Variants in SDK1 observed in about 807,000 individuals in gnomAD.
The protein encoded by SDK1 is protein sidekick-1.
Under a neutral mutation model 245.5 loss-of-function variants are expected in SDK1, and 157 were observed. That is an observed-to-expected ratio of 0.64 (90% confidence interval 0.56 to 0.73). The LOEUF is 0.73. Among genes scored for constraint, SDK1 ranks in the 30% least tolerant of loss-of-function variants. The pLI, the probability that SDK1 is intolerant of heterozygous loss-of-function variation, is 0.00. For synonymous variants in SDK1, 1,647 were observed against 1,278.5 expected (o/e 1.29, Z -6.15); for missense variants, 3,583 against 3,002.3 (o/e 1.19, Z -4.52).
chr7:3,666,136 T>C (rs1783525494), intron 4 of SDK1, among the ~76,000 whole-genome samples: 1 of 152,238 alleles, frequency 6.6e-6, no homozygotes, highest in Non-Finnish European at 1.5e-5. Flanking sequence ...CAGATGTTTC[T>C]GAAGGTGGCA....
At chr7:3,809,637 C>T (rs1228835784) in intron 4 of SDK1, among the ~76,000 whole-genome samples, 3 of 152,214 alleles carry the variant, frequency 2.0e-5, no homozygotes, top group Admixed American at 6.5e-5. Context: ...TCACTCTGCT[C>T]ATAATTTTCT....
chr7:3,760,357 A>C (rs1443815847), intron 4 of SDK1, among the ~76,000 whole-genome samples: 1 of 151,950 alleles, frequency 6.6e-6, no homozygotes, highest in Non-Finnish European at 1.5e-5. Flanking sequence ...CCCCTTGTTG[A>C]CCTGTTACCT....
intron 1 of SDK1, chr7:3,476,207 C>G (rs1355566518): frequency 5.2e-5 from 8 of 152,518 alleles, no homozygotes; most frequent in South Asian, 2.1e-4. Flanking sequence ...TTCCTGTGCT[C>G]TTACTCTTCT....
chr7:3,727,073 A>G (rs146467685), intron 4 of SDK1, among the ~76,000 whole-genome samples: 1 of 152,358 alleles, frequency 6.6e-6, no homozygotes, highest in African/African-American at 2.4e-5. Context: ...TAGGCATGAC[A>G]TGCTTCTGAT....
At chr7:3,352,389 G>A (rs554920191) in intron 1 of SDK1, among the ~76,000 whole-genome samples, 106 of 152,172 alleles carry the variant, frequency 7.0e-4, no homozygotes, top group Admixed American at 1.2e-3. Flanking sequence ...AGCTAAATGG[G>A]GGAAGAGATC....
At chr7:3,707,960 T>G (rs1353513283) in intron 4 of SDK1, among the ~76,000 whole-genome samples, 2 of 152,216 alleles carry the variant, frequency 1.3e-5, no homozygotes, top group Non-Finnish European at 2.9e-5. Flanking sequence ...TGTATTAGTC[T>G]CATTGCTATA....
At chr7:4,152,348 G>C (rs1780440926) in intron 30 of SDK1, among the ~76,000 whole-genome samples, 1 of 152,218 alleles carries the variant, frequency 6.6e-6, no homozygotes, top group Admixed American at 6.5e-5. Flanking sequence ...TCCTGGCACA[G>C]CCCCGAGGGT....
intron 22 of SDK1, among the ~76,000 whole-genome samples, chr7:4,082,108 C>G (rs970002339): frequency 6.6e-6 from 1 of 151,968 alleles, no homozygotes; most frequent in Non-Finnish European, 1.5e-5. Context: ...GGTTACTTAC[C>G]GTGGGGGTGA....
In SDK1 at chr7:3,780,421, C is replaced by A. The variant is rs116154580; in HGVS notation, c.714-41029C>A. Among the ~76,000 whole-genome samples the A allele has an allele frequency of 5.5e-3, 835 of 152,330 alleles. 8 individuals are homozygous for A. The highest frequency in any genetic ancestry group is 0.019 in the African/African-American group (802 of 41,572). The stretch of plus-strand genomic sequence containing the variant: ...AGAAAGGAGGCAGAGGTCATGGTTA[C>A]CAGCACATGGATCTTAGAGGTACCT... On this transcript the variant is annotated intron_variant, in intron 4 of 44. Coordinates refer to ENST00000404826, the MANE Select transcript of SDK1 (RefSeq NM_152744.4).
At chr7:4,190,480 C>G (rs1010818537) in intron 35 of SDK1, among the ~76,000 whole-genome samples, 1 of 152,220 alleles carries the variant, frequency 6.6e-6, no homozygotes, top group Non-Finnish European at 1.5e-5. Context: ...GGGGGCTCCC[C>G]GGGCGCTATC....
chr7:3,756,207 A>T (rs1192405938), intron 4 of SDK1, among the ~76,000 whole-genome samples: 1 of 147,996 alleles, frequency 6.8e-6, no homozygotes, highest in Non-Finnish European at 1.5e-5. Flanking sequence ...ATGGCATAGC[A>T]CCTGTGACAC....
At chr7:3,581,810 G>T (rs1780506183) in intron 1 of SDK1, among the ~76,000 whole-genome samples, 1 of 152,220 alleles carries the variant, frequency 6.6e-6, no homozygotes. Context: ...AGAATACTAT[G>T]CGGCCATGAA....
chr7:3,651,805 G>C (rs1008398269), intron 4 of SDK1, among the ~76,000 whole-genome samples: 3 of 152,116 alleles, frequency 2.0e-5, no homozygotes, highest in Non-Finnish European at 2.9e-5. Context: ...TCAGAGGAAC[G>C]GCAATCAGAA....
chr7:3,830,098 C>G (rs542727236), intron 5 of SDK1, among the ~76,000 whole-genome samples: 1 of 152,276 alleles, frequency 6.6e-6, no homozygotes, highest in South Asian at 2.1e-4. Context: ...TGCGTGATTA[C>G]ACTCCCTAAT....
chr7:3,974,591 G>A (rs768868694), intron 13 of SDK1, 46 bp downstream of exon 13: 43 of 1,575,690 alleles, frequency 2.7e-5, no homozygotes, highest in South Asian at 3.4e-5. Context: ...GGTTTTCTCC[G>A]TTACTGTGCC....
chr7:3,442,412 G>C (rs1479114858), intron 1 of SDK1, among the ~76,000 whole-genome samples: 2 of 152,160 alleles, frequency 1.3e-5, no homozygotes, highest in Non-Finnish European at 2.9e-5. Context: ...ATGGTAACTG[G>C]GTCATTGCAA....
intron 25 of SDK1, among the ~76,000 whole-genome samples, chr7:4,118,827 G>A (rs1038434040): frequency 7.4e-5 from 11 of 148,956 alleles, no homozygotes; most frequent in African/African-American, 2.7e-4. Flanking sequence ...CCAGGCACAA[G>A]AGACCACATA....
chr7:3,700,990 G>A (rs1356601830), intron 4 of SDK1, among the ~76,000 whole-genome samples: 1 of 152,174 alleles, frequency 6.6e-6, no homozygotes, highest in Non-Finnish European at 1.5e-5. Context: ...TCTTGTGGCT[G>A]TGTCGTGCGC....
At chr7:3,586,627 C>T (rs1472514407) in intron 1 of SDK1, among the ~76,000 whole-genome samples, 3 of 150,732 alleles carry the variant, frequency 2.0e-5, no homozygotes, top group African/African-American at 7.3e-5. Context: ...ATGGCATGAA[C>T]CCGGGAGGTG....
Sources: allele counts gnomAD v4.1 joint callset (sites outside exome capture counted in the v4.1 genomes callset), GRCh38; gene constraint gnomAD v4.1.1; transcripts MANE v1.5; gene names NCBI Gene and HGNC (gene_info 2026-07-23, HGNC 2026-07-21).